Variants in GRB10 observed in about 807,000 individuals in gnomAD.
GRB10 encodes growth factor receptor bound protein 10.
A neutral mutation model predicts 80.9 loss-of-function variants in GRB10; 20 were observed. The ratio of observed to expected loss-of-function variants is 0.25; its 90% CI spans 0.17 to 0.36. The LOEUF (loss-of-function observed/expected upper bound fraction) is 0.36. Among genes scored for constraint, GRB10 ranks in the 10% least tolerant of loss-of-function variants. GRB10 has a pLI of 1.00. For missense variants in GRB10, 548 were observed against 747.7 expected (o/e 0.73, Z 3.12); for synonymous variants, 291 against 291.5 (o/e 1.00, Z 0.02).
At chr7:50,595,636 C>CACACACACACACACAG (rs971834235) in intron 17 of GRB10, 106 bp from the exon 18 acceptor site, 1 of 747,166 alleles carries the variant, frequency 1.3e-6, no homozygotes, top group African/African-American at 1.7e-5. Flanking sequence ...CACACACACA[C>CACACACACACACACAG]AGGCTTGGAG....
intron 4 of GRB10, among the ~76,000 whole-genome samples, chr7:50,721,015 C>T (rs935244506): frequency 2.6e-5 from 4 of 152,156 alleles, no homozygotes; most frequent in Non-Finnish European, 5.9e-5. Context: ...AAAAGAAACG[C>T]CCTGCTTCAT....
chr7:50,617,113 A>G (rs146866604), intron 10 of GRB10, among the ~76,000 whole-genome samples: 1,526 of 152,322 alleles, frequency 0.01, 22 homozygotes, highest in Non-Finnish European at 0.016. Flanking sequence ...CAAGGCAATT[A>G]AAACAGAATC....
chr7:50,661,277 C>T (rs1025636248), intron 7 of GRB10, among the ~76,000 whole-genome samples: 5 of 152,196 alleles, frequency 3.3e-5, no homozygotes, highest in Non-Finnish European at 5.9e-5. Flanking sequence ...TGCACAAACC[C>T]TTATCCAAAG....
At chr7:50,683,675 T>C (rs2061783811) in intron 5 of GRB10, among the ~76,000 whole-genome samples, 1 of 152,102 alleles carries the variant, frequency 6.6e-6, no homozygotes, top group African/African-American at 2.4e-5. Context: ...AGGTGGACAT[T>C]GCAGTGAGCT....
At chr7:50,763,748 T>C (rs2076027507) in intron 2 of GRB10, among the ~76,000 whole-genome samples, 1 of 152,252 alleles carries the variant, frequency 6.6e-6, no homozygotes, top group Admixed American at 6.5e-5. Context: ...GCTCATTGGC[T>C]GCGGAAGCAT....
At chr7:50,791,848 T>C (rs1411353109) in intron 1 of GRB10, among the ~76,000 whole-genome samples, 2 of 152,098 alleles carry the variant, frequency 1.3e-5, no homozygotes, top group Non-Finnish European at 2.9e-5. Flanking sequence ...CCTGGAAACA[T>C]AGTTGGTTTT....
intron 13 of GRB10, among the ~76,000 whole-genome samples, chr7:50,609,749 T>C (rs1380797099): frequency 2.0e-5 from 3 of 152,172 alleles, no homozygotes; most frequent in Admixed American, 2.0e-4. Flanking sequence ...TAAATAATTG[T>C]TGCAAAGTTT....
chr7:50,620,379 T>C (rs962856069), intron 8 of GRB10, among the ~76,000 whole-genome samples: 5 of 152,248 alleles, frequency 3.3e-5, no homozygotes, highest in Middle Eastern at 3.4e-3. Flanking sequence ...GGAATGAAGT[T>C]AAAGGCAAAA....
intron 2 of GRB10, among the ~76,000 whole-genome samples, chr7:50,774,893 C>T (rs890845325): frequency 6.6e-6 from 1 of 151,870 alleles, no homozygotes; most frequent in Middle Eastern, 3.4e-3. Context: ...CCTGTAATCT[C>T]AGCACTGTCG....
At chr7:50,677,328 G>A (rs2237476) in intron 5 of GRB10, among the ~76,000 whole-genome samples, 85,501 of 152,002 alleles carry the variant, frequency 0.56, 24,558 homozygotes, top group African/African-American at 0.66. Context: ...TAGCTGGGGT[G>A]AGGTGGGGTG....
intron 2 of GRB10, among the ~76,000 whole-genome samples, chr7:50,758,481 C>G (rs2075367039): frequency 6.6e-6 from 1 of 152,218 alleles, no homozygotes; most frequent in Non-Finnish European, 1.5e-5. Context: ...TGTTTAGTAT[C>G]TTTGGTATCT....
chr7:50,748,452 G>A (rs2073412915), intron 3 of GRB10, among the ~76,000 whole-genome samples: 1 of 152,172 alleles, frequency 6.6e-6, no homozygotes, highest in Non-Finnish European at 1.5e-5. Flanking sequence ...GGAGAAAGGA[G>A]GTAGGAGAAA....
chr7:50,726,313 G>A (rs769974051), intron 4 of GRB10, among the ~76,000 whole-genome samples: 8 of 152,138 alleles, frequency 5.3e-5, no homozygotes, highest in Non-Finnish European at 1.0e-4. Context: ...CAGGACAATC[G>A]CTTGAACCCG....
intron 3 of GRB10, among the ~76,000 whole-genome samples, chr7:50,742,502 G>A (rs558123260): frequency 5.3e-5 from 8 of 152,100 alleles, no homozygotes; most frequent in East Asian, 2.0e-4. Flanking sequence ...GGCATCACCC[G>A]GGTGCTTGTT....
At chr7:50,643,921 T>G (rs1040239435) in intron 7 of GRB10, among the ~76,000 whole-genome samples, 4 of 152,162 alleles carry the variant, frequency 2.6e-5, no homozygotes, top group Non-Finnish European at 4.4e-5. Context: ...ACATTTGAAA[T>G]TTTTTCAAAA....
At chr7:50,619,016 C>A (rs1030019424) in intron 9 of GRB10, among the ~76,000 whole-genome samples, 154 bp downstream of exon 9, 11 of 152,166 alleles carry the variant, frequency 7.2e-5, no homozygotes, top group Non-Finnish European at 1.5e-4. Context: ...GGGTTTCAAG[C>A]AAGGACTGCT....
intron 15 of GRB10, chr7:50,604,913 G>A (rs2048261415): frequency 3.3e-6 from 1 of 305,132 alleles, no homozygotes; most frequent in Admixed American, 4.8e-5. Flanking sequence ...AAGGCCTCCA[G>A]GCTGTTAGTA....
chr7:50,671,697 C>T (rs1384752216), intron 6 of GRB10, among the ~76,000 whole-genome samples: 2 of 152,264 alleles, frequency 1.3e-5, no homozygotes, highest in African/African-American at 2.4e-5. Flanking sequence ...GCCAGTGCCA[C>T]TTTCCCATCC....
chr7:50,691,664 T>C (rs2062830847), intron 5 of GRB10, among the ~76,000 whole-genome samples: 1 of 152,198 alleles, frequency 6.6e-6, no homozygotes, highest in African/African-American at 2.4e-5. Context: ...ATGCTATTAT[T>C]TGGTGTGGCA....
Sources: allele counts gnomAD v4.1 joint callset (sites outside exome capture counted in the v4.1 genomes callset), GRCh38; gene constraint gnomAD v4.1.1; transcripts MANE v1.5; gene names NCBI Gene and HGNC (gene_info 2026-07-23, HGNC 2026-07-21).